SNRPD2: variants seen among roughly 807,000 people sequenced by gnomAD.
The protein encoded by SNRPD2 is small nuclear ribonucleoprotein Sm D2.
SNRPD2 carries 1 observed loss-of-function variant against 11.5 expected under a neutral mutation model. That is an observed-to-expected ratio of 0.09 (90% CI 0.03 to 0.41). The LOEUF is 0.41. SNRPD2 is among the 10% of genes least tolerant of loss of function. The pLI is 0.98. For synonymous variants in SNRPD2, 63 were observed against 61.5 expected (o/e 1.02, Z -0.12); for missense variants, 77 against 154.9 (o/e 0.50, Z 2.67).
In SNRPD2 at chr19:45,691,795, C is replaced by CT. The variant is rs2146119512; in HGVS notation, c.2+91_2+92insA. 5 of 1,489,328 alleles carry CT rather than the reference C, an allele frequency of 3.4e-6. No homozygotes were observed. The Middle Eastern group carries it at 6.9e-4, about 204-fold the overall frequency. The allele number at this position is 1,489,328 out of a possible 1,614,324, so 92.3% of individuals were successfully genotyped here. A position where few individuals can be genotyped will look rare whatever the true frequency, so the allele number is the denominator to read the frequency against. On this transcript the variant is annotated intron_variant, in intron 1 of 2. Transcript: ENST00000342669. ...GCATCCCTAAAACATCTGCCCCTGC[C>CT]CCCCCCGCTCTGCTCAACCCTTCCC...
At chr19:45,689,754 C>T (rs1032278652) in intron 1 of SNRPD2, among the ~76,000 whole-genome samples, 7 of 151,968 alleles carry the variant, frequency 4.6e-5, no homozygotes, top group African/African-American at 1.7e-4. Flanking sequence ...AAAAATTAGG[C>T]CAGATGCGAT....
At chr19:45,691,589 C>T in intron 1 of SNRPD2, 3 of 378,754 alleles carry the variant, frequency 7.9e-6, no homozygotes, top group South Asian at 4.3e-5. Context: ...CTAGGCTAGT[C>T]TCGAACTCCT....
intron 1 of SNRPD2, among the ~76,000 whole-genome samples, chr19:45,690,015 C>A (rs1346925532): frequency 6.8e-6 from 1 of 146,880 alleles, no homozygotes; most frequent in African/African-American, 2.5e-5. Flanking sequence ...CCAGCTTGGG[C>A]TACAGAGTGA....
chr19:45,690,748 C>T (rs1175808415), intron 1 of SNRPD2: 1 of 150,396 alleles, frequency 6.6e-6, no homozygotes, highest in East Asian at 2.0e-4. Context: ...AGGAGAATCG[C>T]TTCAACTCAG....
chr19:45,687,837 C>T lies in SNRPD2; in HGVS notation c.183-110G>A, dbSNP rs571264065. ...CAGCAGCATGGCTTGGGGAAGGGTGCAGGTGCTAGGCCGGGATGACCAAGC... is the reference window on the plus strand; with the variant it reads ...CAGCAGCATGGCTTGGGGAAGGGTGTAGGTGCTAGGCCGGGATGACCAAGC... On this transcript the variant is annotated intron_variant, in intron 2 of 2. Coordinates refer to ENST00000342669, the MANE Select transcript of SNRPD2 (RefSeq NM_001384647.1). The surrounding 1 kb of genome is among the most constrained non-coding windows in gnomAD (Gnocchi z 4.1). 4.9e-5 allele frequency: 44 copies of T among 898,454 alleles called. No individual in the cohort carries two copies. The African/African-American group carries it at 5.7e-4, about 12-fold the overall frequency. The allele number at this position is 898,454 out of a possible 1,614,324, so 55.7% of individuals were successfully genotyped here.
At position 45,688,199 on chromosome 19, in the gene SNRPD2, T is replaced by G. The variant is rs982243086; in HGVS notation, c.182+188A>C. ...GGTTTCGCCATTTTAGCTAAGCTGGTCTTGAACTCCTGACCTCAGGTGATC... is the reference window on the plus strand; with the variant it reads ...GGTTTCGCCATTTTAGCTAAGCTGGGCTTGAACTCCTGACCTCAGGTGATC... On this transcript the variant is annotated intron_variant, in intron 2 of 2. Transcript: ENST00000342669. This position sits in a 1 kb window ranked among gnomAD's most constrained non-coding sequence, Gnocchi z 4.1. 3.3e-5 allele frequency among the ~76,000 whole-genome samples: 5 copies of G among 151,964 alleles called. No homozygotes were observed. Among genetic ancestry groups the G allele is most frequent in the Non-Finnish European group, 7.4e-5 (5 of 67,996 alleles).
Position 45,687,501 on chromosome 19 carries a change from C to T in SNRPD2, c.*52G>A. 1 of 1,502,156 alleles carries T rather than the reference C, an allele frequency of 6.7e-7. No homozygotes were observed. Among genetic ancestry groups the T allele is most frequent in the Non-Finnish European group, 9.2e-7 (1 of 1,082,932 alleles). The allele number at this position is 1,502,156 out of a possible 1,614,324, so 93.1% of individuals were successfully genotyped here. On this transcript the variant is annotated 3_prime_UTR_variant, in exon 3 of 3. Coordinates refer to ENST00000342669, the MANE Select transcript of SNRPD2 (RefSeq NM_001384647.1). This position sits in a 1 kb window ranked among gnomAD's most constrained non-coding sequence, Gnocchi z 4.1. Reference sequence around the variant, plus strand: ...GCTTTATTATTCTCAACACCAATGGCAGCGGTCTTCATAGGACAGAGGAGT... The same window carrying T: ...GCTTTATTATTCTCAACACCAATGGTAGCGGTCTTCATAGGACAGAGGAGT...
chr19:45,691,858 C>G (rs773627149), intron 1 of SNRPD2, 29 bp downstream of exon 1: 1 of 1,613,940 alleles, frequency 6.2e-7, no homozygotes, highest in Admixed American at 1.7e-5. Flanking sequence ...CAACCTCATT[C>G]CCGCCGCCTA....
In SNRPD2 at chr19:45,688,226, A is replaced by C. The variant is rs1187938624; in HGVS notation, c.182+161T>G. Among the ~76,000 whole-genome samples, 1 of 151,676 alleles carries C rather than the reference A, an allele frequency of 6.6e-6. No individual in the cohort carries two copies. Among genetic ancestry groups the C allele is most frequent in the African/African-American group, 2.4e-5 (1 of 41,282 alleles). On this transcript the variant is annotated intron_variant, in intron 2 of 2. Coordinates refer to ENST00000342669, the MANE Select transcript of SNRPD2 (RefSeq NM_001384647.1). The surrounding 1 kb of genome is among the most constrained non-coding windows in gnomAD (Gnocchi z 4.1). ...TTGAACTCCTGACCTCAGGTGATCT[A>C]CCCGCCTTGCCTTCCCAAAGTGCTG... is the stretch of plus-strand genomic sequence containing the variant.
At position 45,688,659 on chromosome 19, in the gene SNRPD2, G is replaced by T; in HGVS notation, c.3-93C>A. The T allele has an allele frequency of 2.1e-6, 2 of 940,506 alleles. No homozygotes were observed. Among genetic ancestry groups the T allele is most frequent in the Admixed American group, 1.8e-5 (1 of 54,154 alleles). The allele number at this position is 940,506 out of a possible 1,614,324, so 58.3% of individuals were successfully genotyped here. On this transcript the variant is annotated intron_variant, in intron 1 of 2. Coordinates refer to ENST00000342669, the MANE Select transcript of SNRPD2 (RefSeq NM_001384647.1). The surrounding 1 kb of genome is among the most constrained non-coding windows in gnomAD (Gnocchi z 4.1). ...GGGTGATCAGGGCCTTGGCTTCAGT[G>T]TCTCCCCAACCTTGTCCCACCACAT...
At position 45,687,468 on chromosome 19, in the gene SNRPD2, A is replaced by T. The variant is rs1314829048; in HGVS notation, c.*85T>A. ...CTGGAAACAGATACCACTAGAAAAA[A>T]ACACAGAGCTTTATTATTCTCAACA... On this transcript the variant is annotated 3_prime_UTR_variant, in exon 3 of 3. Coordinates refer to ENST00000342669, the MANE Select transcript of SNRPD2 (RefSeq NM_001384647.1). This position sits in a 1 kb window ranked among gnomAD's most constrained non-coding sequence, Gnocchi z 4.1. The T allele has an allele frequency of 1.5e-6, 2 of 1,344,832 alleles. No homozygotes were observed. The highest frequency in any genetic ancestry group is 2.1e-6 in the Non-Finnish European group (2 of 958,044). 83.3% of individuals were successfully genotyped at this position (1,344,832 alleles called of 1,614,324 possible). A position where few individuals can be genotyped will look rare whatever the true frequency, so the allele number is the denominator to read the frequency against.
At chr19:45,689,905 C>A (rs764908050) in intron 1 of SNRPD2, among the ~76,000 whole-genome samples, 7 of 151,928 alleles carry the variant, frequency 4.6e-5, no homozygotes, top group Non-Finnish European at 1.0e-4. Context: ...GGTGTGGTGG[C>A]GCATCCCTCT....
chr19:45,692,026 C>A, upstream of SNRPD2: 1 of 1,598,396 alleles, frequency 6.3e-7, no homozygotes, highest in South Asian at 1.1e-5. Flanking sequence ...GGAGGCGTGG[C>A]CTGTTGCCAC....
chr19:45,691,255 C>A (rs1381788626), intron 1 of SNRPD2, among the ~76,000 whole-genome samples: 2 of 152,010 alleles, frequency 1.3e-5, no homozygotes, highest in Non-Finnish European at 2.9e-5. Flanking sequence ...CTCAGCCTCC[C>A]GAATAGCTGC....
At chr19:45,691,846 C>G (rs762204424) in intron 1 of SNRPD2, 41 bp downstream of exon 1, 13 of 1,613,792 alleles carry the variant, frequency 8.1e-6, no homozygotes, top group South Asian at 2.2e-5. Flanking sequence ...AATATCCACC[C>G]TCAACCTCAT....
At chr19:45,692,164 A>C, upstream of SNRPD2, 2 of 635,162 alleles carry the variant, frequency 3.1e-6, no homozygotes, top group African/African-American at 1.8e-5. Flanking sequence ...TCTGATTCAA[A>C]CCGTTTCTTG....
chr19:45,687,979 C>T lies in SNRPD2; in HGVS notation c.183-252G>A, dbSNP rs138908829. On this transcript the variant is annotated intron_variant, in intron 2 of 2. Coordinates refer to ENST00000342669, the MANE Select transcript of SNRPD2 (RefSeq NM_001384647.1). The surrounding 1 kb of genome is among the most constrained non-coding windows in gnomAD (Gnocchi z 4.1). ...AATCACGTTACCTTCCTCACAGGGCCATTGAAAATTATCATTTTCTTTTTT... is the reference window on the plus strand; with the variant it reads ...AATCACGTTACCTTCCTCACAGGGCTATTGAAAATTATCATTTTCTTTTTT... Among the ~76,000 whole-genome samples the T allele has an allele frequency of 3.9e-5, 6 of 152,306 alleles. No individual in the cohort carries two copies. The East Asian group carries it at 1.2e-3, about 29-fold the overall frequency.
chr19:45,692,229 G>C (rs140846564), upstream of SNRPD2: 340 of 396,006 alleles, frequency 8.6e-4, 1 homozygote, highest in East Asian at 0.015. Context: ...AATGCCCGCC[G>C]GCCGTGACTT....
intron 1 of SNRPD2, chr19:45,689,256 C>T (rs770582173): frequency 1.9e-6 from 1 of 520,206 alleles, no homozygotes; most frequent in South Asian, 1.4e-5. Context: ...TCTGTCATCT[C>T]TGTCCTGGAA....
Sources: gnomAD v4.1 joint callset for allele counts (sites outside exome capture counted in the v4.1 genomes callset) on GRCh38, gnomAD v4.1.1 for gene constraint, Gnocchi (gnomAD v3.1) non-coding constraint, MANE v1.5 for transcripts, NCBI Gene and HGNC (gene_info 2026-07-23, HGNC 2026-07-21) for gene names.